DNAH3: variants seen among roughly 807,000 people sequenced by gnomAD.
DNAH3 encodes the protein dynein axonemal heavy chain 3.
A neutral mutation model predicts 432.5 loss-of-function variants in DNAH3; 332 were observed. That is an observed-to-expected ratio of 0.77 (90% CI 0.70 to 0.84). The LOEUF is 0.84. Ranked by LOEUF, DNAH3 falls within the 40% of genes least tolerant of loss-of-function variation. The pLI is 0.00. For synonymous variants in DNAH3, 1,956 were observed against 1,900.2 expected (o/e 1.03, Z -0.76); for missense variants, 4,861 against 5,114.0 (o/e 0.95, Z 1.51).
intron 1 of DNAH3, among the ~76,000 whole-genome samples, chr16:21,156,190 AT>A (rs1159593757): frequency 3.4e-5 from 5 of 145,462 alleles, no homozygotes; most frequent in East Asian, 2.0e-4. Context: ...ATTTTATTTT[AT>A]TTTATTTTAT....
At chr16:21,069,346 G>C in intron 23 of DNAH3, 69 bp downstream of exon 23, 5 of 1,351,714 alleles carry the variant, frequency 3.7e-6, no homozygotes, top group Non-Finnish European at 5.2e-6. Context: ...CAAGGAAGGT[G>C]ACTAGAATGC....
At chr16:21,037,951 C>T (rs765153588) in exon 34 of DNAH3, 19 of 1,613,968 alleles carry the variant, frequency 1.2e-5, no homozygotes, top group East Asian at 4.5e-5. Context: ...CGAGCACAGG[C>T]GGTAGGTCGC....
chr16:21,053,130 A>T (rs1040933256), intron 28 of DNAH3, among the ~76,000 whole-genome samples: 3 of 152,080 alleles, frequency 2.0e-5, no homozygotes, highest in African/African-American at 7.2e-5. Context: ...GGACCTCAGA[A>T]ACGTCACTTT....
At chr16:21,003,626 T>A (rs1337190383) in intron 41 of DNAH3, among the ~76,000 whole-genome samples, 2 of 151,650 alleles carry the variant, frequency 1.3e-5, no homozygotes, top group East Asian at 1.9e-4. Context: ...TGAAAAAAAA[T>A]TTGCTGGGCA....
intron 37 of DNAH3, 118 bp downstream of exon 37, chr16:21,030,927 G>T: frequency 9.8e-7 from 1 of 1,020,204 alleles, no homozygotes. Flanking sequence ...TATTCTTAAT[G>T]TATACAGAAT....
At chr16:21,120,445 C>A (rs761490168) in intron 11 of DNAH3, among the ~76,000 whole-genome samples, 4 of 152,138 alleles carry the variant, frequency 2.6e-5, no homozygotes, top group African/African-American at 4.8e-5. Flanking sequence ...TACGGCAGAT[C>A]TTGCAGTGAG....
chr16:21,051,607 C>T (rs1476411535), intron 29 of DNAH3, 63 bp downstream of exon 29: 3 of 1,548,446 alleles, frequency 1.9e-6, no homozygotes, highest in African/African-American at 1.4e-5. Flanking sequence ...ACTTTCCTCC[C>T]CAGAGTCTTC....
Position 20,985,103 on chromosome 16 carries a change from A to C in DNAH3, c.7639T>G (p.Ser2547Ala), listed in dbSNP as rs371564227. 3 of 1,613,834 alleles carry C rather than the reference A, an allele frequency of 1.9e-6. No individual in the cohort carries two copies. In the African/African-American group the frequency reaches 4.0e-5, roughly 22 times the overall value. ...CTCTCAATAAAGAAGTTATACATAGAAAGAGGAGTGACTTCAACCTTCTCT... is the reference window on the plus strand; with the variant it reads ...CTCTCAATAAAGAAGTTATACATAGCAAGAGGAGTGACTTCAACCTTCTCT... Residue 2547 changes from serine to alanine, a missense_variant, in exon 48 of 62, where the codon TCT becomes GCT. Coordinates refer to ENST00000261383, the Ensembl canonical transcript of DNAH3.
At position 21,047,396 on chromosome 16, in the gene DNAH3, G is replaced by A. The variant is rs374158332; in HGVS notation, c.4461+2173C>T. ...ATTTCTTTTTATTCTTTTTTCTCTA[G>A]ACTTCCCTTCTCGCTTCATTTCATT... On this transcript the variant is annotated intron_variant, in intron 31 of 61. Coordinates refer to ENST00000261383, the Ensembl canonical transcript of DNAH3. 2.0e-5 allele frequency among the ~76,000 whole-genome samples: 3 copies of A among 150,928 alleles called. No individual in the cohort carries two copies. The South Asian group carries it at 6.4e-4, about 32-fold the overall frequency.
At chr16:20,999,573 T>C (rs1424303159) in intron 43 of DNAH3, among the ~76,000 whole-genome samples, 2 of 152,166 alleles carry the variant, frequency 1.3e-5, no homozygotes, top group African/African-American at 2.4e-5. Context: ...ATAATGTATT[T>C]GGCACCAAAA....
chr16:21,159,288 G>C, intron 1 of DNAH3: 21 of 1,560,014 alleles, frequency 1.3e-5, no homozygotes, highest in Non-Finnish European at 1.7e-5. Flanking sequence ...CCATTATTCA[G>C]TCTCTGTGCC....
intron 59 of DNAH3, among the ~76,000 whole-genome samples, chr16:20,939,773 GCAGCAAGA>G (rs2083735491): frequency 6.6e-6 from 1 of 152,166 alleles, no homozygotes; most frequent in Non-Finnish European, 1.5e-5. Flanking sequence ...AGTGTCTGGA[GCAGCAAGA>G]CCTTGGTCTT....
intron 23 of DNAH3, 29 bp downstream of exon 23, chr16:21,069,386 G>T (rs2090696059): frequency 1.3e-6 from 2 of 1,587,842 alleles, no homozygotes; most frequent in South Asian, 1.1e-5. Context: ...ATTTCTGCTG[G>T]TAAGAGTTAT....
In DNAH3 at chr16:21,020,038, T is replaced by G. The variant is rs1290168995; in HGVS notation, c.5777-169A>C. Among the ~76,000 whole-genome samples, 5 of 142,520 alleles carry G rather than the reference T, an allele frequency of 3.5e-5. No homozygotes were observed. The East Asian group carries it at 1.0e-3, about 29-fold the overall frequency. The allele number at this position is 142,520 out of a possible 152,430, so 93.5% of individuals were successfully genotyped here. A position where few individuals can be genotyped will look rare whatever the true frequency, so the allele number is the denominator to read the frequency against. On this transcript the variant is annotated intron_variant, in intron 40 of 61. Transcript: ENST00000261383. ...TTCACATGCATTTTTTTTTTTTTTT[T>G]GAAACAGGGTCTCACTCTGTCTCCC... is the stretch of plus-strand genomic sequence containing the variant.
At chr16:21,146,200 G>A (rs1357110617) in intron 1 of DNAH3, 112 bp from the exon 3 acceptor site, 9 of 647,292 alleles carry the variant, frequency 1.4e-5, no homozygotes, top group Non-Finnish European at 2.2e-5. Context: ...CCAGAGTTCT[G>A]GACCTAAAAC....
At chr16:20,969,743 T>C in intron 52 of DNAH3, 49 bp downstream of exon 52, 2 of 1,604,570 alleles carry the variant, frequency 1.2e-6, no homozygotes, top group Non-Finnish European at 1.7e-6. Context: ...GGCACCCCAC[T>C]GCCAGGAAAG....
intron 44 of DNAH3, among the ~76,000 whole-genome samples, chr16:20,995,977 T>C (rs998795975): frequency 2.0e-5 from 3 of 152,264 alleles, no homozygotes; most frequent in African/African-American, 7.2e-5. Flanking sequence ...GTGCAGATAA[T>C]TGCACGTCTT....
chr16:21,005,152 CTTTCT>C (rs1203512768), intron 41 of DNAH3, among the ~76,000 whole-genome samples: 3 of 143,340 alleles, frequency 2.1e-5, no homozygotes, highest in African/African-American at 5.6e-5. Flanking sequence ...TCTCTCGTCT[CTTTCT>C]TTTCTTTCTT....
At chr16:21,069,283 G>T in intron 23 of DNAH3, 132 bp downstream of exon 23, 2 of 792,820 alleles carry the variant, frequency 2.5e-6, no homozygotes, top group Non-Finnish European at 4.1e-6. Context: ...TCTGAAATTA[G>T]AAGAAGATAT....
Sources: gnomAD v4.1 joint callset for allele counts (sites outside exome capture counted in the v4.1 genomes callset) on GRCh38, gnomAD v4.1.1 for gene constraint, MANE v1.5 for transcripts, NCBI Gene and HGNC (gene_info 2026-07-23, HGNC 2026-07-21) for gene names.